Variants in ABCC9 observed in about 807,000 individuals in gnomAD.
ABCC9 encodes ATP binding cassette subfamily C member 9.
A neutral mutation model predicts 188.3 loss-of-function variants in ABCC9; 95 were observed. The observed-to-expected ratio is 0.50, with a 90% CI of 0.43 to 0.60. The LOEUF is 0.60. Among genes scored for constraint, ABCC9 ranks in the 20% least tolerant of loss-of-function variants. The pLI is 0.00. For missense variants in ABCC9, 1,102 were observed against 1,876.3 expected, an observed-to-expected ratio of 0.59 and a Z score of 7.62; for synonymous variants, 659 against 652.7, an observed-to-expected ratio of 1.01 and a Z score of -0.15.
intron 30 of ABCC9, among the ~76,000 whole-genome samples, chr12:21,833,792 C>T (rs1420489411): frequency 1.3e-5 from 2 of 152,180 alleles, no homozygotes; most frequent in Admixed American, 6.5e-5. Context: ...CACTTGGGCA[C>T]TTAACATACT....
Position 21,807,490 on chromosome 12 carries a change from G to GA in ABCC9, c.4316-12dup. ...CAGTGACAACCGCATCTAAATCAGA[G>GA]AAAGAAGCAAGGATTTCACTAAAGA... On this transcript the variant is annotated splice_polypyrimidine_tract_variant and intron_variant, in intron 37 of 39. Transcript: ENST00000261200. 6.2e-7 allele frequency: 1 copy of GA among 1,613,600 alleles called. No homozygotes were observed. The highest frequency in any genetic ancestry group is 8.5e-7 in the Non-Finnish European group (1 of 1,179,678).
chr12:21,882,142 T>A (rs1201310067), intron 16 of ABCC9, among the ~76,000 whole-genome samples: 1 of 152,186 alleles, frequency 6.6e-6, no homozygotes, highest in East Asian at 1.9e-4. Flanking sequence ...CAGTAGCCAA[T>A]GCAGCCAGTT....
intron 31 of ABCC9, among the ~76,000 whole-genome samples, chr12:21,819,885 T>A (rs12298537): frequency 0.021 from 3,164 of 152,210 alleles, 126 homozygotes; most frequent in African/African-American, 0.072. Context: ...AGGTAGTAAA[T>A]ACTTTTTTGA....
intron 38 of ABCC9, 22 bp downstream of exon 38, chr12:21,807,324 A>G (rs1427218381): frequency 6.2e-7 from 1 of 1,613,604 alleles, no homozygotes; most frequent in Non-Finnish European, 8.5e-7. Context: ...GTCAATTTTA[A>G]AAGCTTAGAT....
chr12:21,828,824 G>A, intron 31 of ABCC9, 134 bp downstream of exon 31: 1 of 764,878 alleles, frequency 1.3e-6, no homozygotes, highest in Admixed American at 1.9e-5. Context: ...ACAAACCTGA[G>A]CTATTTTAAA....
chr12:21,852,885 A>C lies in ABCC9; in HGVS notation c.2506-380T>G, dbSNP rs146418131. Among the ~76,000 whole-genome samples, 953 of 152,368 alleles carry C rather than the reference A, an allele frequency of 6.3e-3. 6 individuals carry two copies. Among genetic ancestry groups the C allele is most frequent in the African/African-American group, 0.019 (793 of 41,588 alleles). ...AATTATTTTAAAAGTAAATAACACT[A>C]TTCAAAATGTTTTGAATTCTTACAG... is the stretch of plus-strand genomic sequence containing the variant. On this transcript the variant is annotated intron_variant, in intron 22 of 39. Coordinates refer to ENST00000261200, the MANE Select transcript of ABCC9 (RefSeq NM_020297.4).
intron 19 of ABCC9, among the ~76,000 whole-genome samples, chr12:21,863,820 G>T (rs569548634): frequency 6.6e-6 from 1 of 152,206 alleles, no homozygotes; most frequent in East Asian, 1.9e-4. Flanking sequence ...ACTGATGAAG[G>T]AAATAGGGTT....
intron 31 of ABCC9, among the ~76,000 whole-genome samples, chr12:21,826,583 A>G (rs868367825): frequency 2.6e-5 from 4 of 152,358 alleles, no homozygotes; most frequent in East Asian, 1.9e-4. Context: ...CCTGGTTCCA[A>G]TGAAAACTCT....
In ABCC9 at chr12:21,893,961, C is replaced by T; in HGVS notation, c.1802+71G>A. The T allele has an allele frequency of 2.7e-6, 4 of 1,486,986 alleles. No individual in the cohort carries two copies. The South Asian group carries it at 4.7e-5, about 18-fold the overall frequency. 92.1% of individuals were successfully genotyped at this position (1,486,986 alleles called of 1,614,324 possible). A position where few individuals can be genotyped will look rare whatever the true frequency, so the allele number is the denominator to read the frequency against. On this transcript the variant is annotated intron_variant, in intron 14 of 39. Transcript: ENST00000261200. ...TTTAATGTTCTTTTTTATATTTTTT[C>T]AAATACTCCTATTAGCACACGTCAT...
rs149722127 is a variant in ABCC9 at position 21,801,085 on chromosome 12, C to T, written c.4609G>A (p.Glu1537Lys). 6.2e-7 allele frequency: 1 copy of T among 1,613,988 alleles called. No homozygotes were observed. Among genetic ancestry groups the T allele is most frequent in the Non-Finnish European group, 8.5e-7 (1 of 1,179,922 alleles). ...YDTPESLLAQ[E>K]NGVFASFVRA... ...ACAAAAGAAGCAAATACTCCATTTT[C>T]CTGAGCCAAGAGGCTTTCTGGAGTG... is the stretch of plus-strand genomic sequence containing the variant. The change falls in exon 40 of 40, where the codon GAA becomes AAA. Residue 1537 changes from glutamate (E) to lysine (K), a missense_variant. By Grantham distance (56) the Glu-to-Lys change is moderately conservative. Transcript: ENST00000261200.
At chr12:21,812,848 T>TA (rs1055582039) in intron 35 of ABCC9, among the ~76,000 whole-genome samples, 5 of 151,616 alleles carry the variant, frequency 3.3e-5, no homozygotes, top group South Asian at 2.1e-4. Context: ...TAAAGTATAA[T>TA]AAAAAAAAAT....
At chr12:21,841,132 C>T (rs563651800) in intron 29 of ABCC9, among the ~76,000 whole-genome samples, 1 of 152,160 alleles carries the variant, frequency 6.6e-6, no homozygotes, top group African/African-American at 2.4e-5. Flanking sequence ...ATTTGTGACA[C>T]AATGAGTGCT....
At chr12:21,885,279 T>G (rs1008919287) in intron 15 of ABCC9, among the ~76,000 whole-genome samples, 1 of 152,214 alleles carries the variant, frequency 6.6e-6, no homozygotes, top group Non-Finnish European at 1.5e-5. Context: ...GTTTGTCATT[T>G]GTGGTTTGGC....
Position 21,904,382 on chromosome 12 carries a change from A to T in ABCC9, c.1618+1744T>A, listed in dbSNP as rs28775980. Among the ~76,000 whole-genome samples, 12 of 152,274 alleles carry T rather than the reference A, an allele frequency of 7.9e-5. No individual in the cohort carries two copies. In the East Asian group the frequency reaches 1.4e-3, roughly 17 times the overall value. On this transcript the variant is annotated intron_variant, in intron 12 of 39. Coordinates refer to ENST00000261200, the MANE Select transcript of ABCC9 (RefSeq NM_020297.4). ...CATTGGCATGGGCAAGGACTTCATGACTAAAACACCAAAAGCAATGGCAAC... is the reference window on the plus strand; with the variant it reads ...CATTGGCATGGGCAAGGACTTCATGTCTAAAACACCAAAAGCAATGGCAAC...
At position 21,917,168 on chromosome 12, in the gene ABCC9, G is replaced by A. The variant is rs138536271; in HGVS notation, c.407-65C>T. 1,245 of 1,508,312 alleles carry A rather than the reference G, an allele frequency of 8.3e-4. 8 individuals carry two copies. The African/African-American group carries it at 0.013, about 16-fold the overall frequency. 93.4% of individuals were successfully genotyped at this position (1,508,312 alleles called of 1,614,324 possible). On this transcript the variant is annotated intron_variant, in intron 5 of 39. Transcript: ENST00000261200. Reference sequence around the variant, plus strand: ...TCTTAAACATCACTAGCATTTGAATGTAATTATGATGCTTTTTAATAACAA... The same window carrying A: ...TCTTAAACATCACTAGCATTTGAATATAATTATGATGCTTTTTAATAACAA...
chr12:21,895,629 T>A lies in ABCC9; in HGVS notation c.1619-314A>T, dbSNP rs117520272. On this transcript the variant is annotated intron_variant, in intron 12 of 39. Coordinates refer to ENST00000261200, the MANE Select transcript of ABCC9 (RefSeq NM_020297.4). ...AAAATTATTAGAATTTACAAATGTG[T>A]ATTCTACAGAGGGGTTACAGTCTAT... is the stretch of plus-strand genomic sequence containing the variant. Among the ~76,000 whole-genome samples, 1,955 of 152,344 alleles carry A rather than the reference T, an allele frequency of 0.013. 26 individuals are homozygous for A. Among genetic ancestry groups the A allele is most frequent in the South Asian group, 0.029 (141 of 4,830 alleles).
intron 31 of ABCC9, 45 bp from the exon 32 acceptor site, chr12:21,818,296 C>G (rs1406527506): frequency 6.7e-7 from 1 of 1,498,670 alleles, no homozygotes; most frequent in Non-Finnish European, 9.3e-7. Context: ...CTCCCAAGTT[C>G]TTAAACCAAG....
Position 21,845,211 on chromosome 12 carries a change from C to G in ABCC9, c.3097-296G>C, listed in dbSNP as rs56177329. ...TCTTGGCTTTCTATGTTGTAGAGCT[C>G]ACTTTTCTCATTCCTAGTCTCAAAA... On this transcript the variant is annotated intron_variant, in intron 26 of 39. Transcript: ENST00000261200. 0.023 allele frequency among the ~76,000 whole-genome samples: 3,523 copies of G among 152,068 alleles called. 54 individuals are homozygous for G. Among genetic ancestry groups the G allele is most frequent in the Non-Finnish European group, 0.039 (2,630 of 67,992 alleles).
Position 21,860,977 on chromosome 12 carries a change from T to C in ABCC9, c.2418A>G (p.Gly806=). Residue 806 remains glycine (G), a synonymous_variant, in exon 21 of 40, where the codon GGA becomes GGG. Transcript: ENST00000261200. ...LLPFGDQTEI[G]ERGINLSGGQ... ...GAAACTATATATAGCTCACCCTCTC[T>C]CCAATTTCAGTTTGATCTCCAAATG... is the stretch of plus-strand genomic sequence containing the variant. The C allele has an allele frequency of 6.2e-7, 1 of 1,612,228 alleles. No individual in the cohort carries two copies. Among genetic ancestry groups the C allele is most frequent in the South Asian group, 1.1e-5 (1 of 91,054 alleles).
Sources: gnomAD v4.1 joint callset for allele counts (sites outside exome capture counted in the v4.1 genomes callset) on GRCh38, gnomAD v4.1.1 for gene constraint, MANE v1.5 for transcripts, NCBI Gene and HGNC (gene_info 2026-07-23, HGNC 2026-07-21) for gene names.